The following NLGN1 variants were observed in gnomAD, a reference collection of about 807,000 sequenced individuals.
NLGN1 encodes neuroligin 1.
NLGN1 carries 12 observed loss-of-function variants against 65.5 expected under a neutral mutation model. The ratio of observed to expected loss-of-function variants is 0.18; its 90% confidence interval spans 0.12 to 0.30. NLGN1 has a LOEUF of 0.30. Among genes scored for constraint, NLGN1 ranks in the 10% least tolerant of loss-of-function variants. The pLI, the probability that NLGN1 is intolerant of heterozygous loss-of-function variation, is 1.00. For missense variants in NLGN1, 750 were observed against 1,007.1 expected, an observed-to-expected ratio of 0.74 and a Z score of 3.46; for synonymous variants, 350 against 359.5, an observed-to-expected ratio of 0.97 and a Z score of 0.30.
At chr3:173,521,579 T>A (rs1043063803) in intron 2 of NLGN1, among the ~76,000 whole-genome samples, 9 of 152,230 alleles carry the variant, frequency 5.9e-5, no homozygotes, top group African/African-American at 2.2e-4. Context: ...CTGAGCCTTT[T>A]TTCTGATCCT....
intron 2 of NLGN1, among the ~76,000 whole-genome samples, chr3:173,470,019 T>C (rs1424109767): frequency 6.6e-6 from 1 of 151,822 alleles, no homozygotes; most frequent in Non-Finnish European, 1.5e-5. Flanking sequence ...TTCTGAAGCA[T>C]TTGAGGGTGA....
intron 2 of NLGN1, among the ~76,000 whole-genome samples, chr3:173,480,473 A>G (rs1323931150): frequency 6.6e-6 from 1 of 152,154 alleles, no homozygotes; most frequent in Admixed American, 6.6e-5. Context: ...CTCAGATTTG[A>G]ATAAACCAGT....
intron 4 of NLGN1, among the ~76,000 whole-genome samples, chr3:174,149,142 G>C (rs532164928): frequency 6.6e-6 from 1 of 152,264 alleles, no homozygotes; most frequent in African/African-American, 2.4e-5. Context: ...ACTTCATTAA[G>C]CTCTCATACA....
chr3:174,038,054 A>C (rs1328139437), intron 4 of NLGN1, among the ~76,000 whole-genome samples: 1 of 152,156 alleles, frequency 6.6e-6, no homozygotes, highest in Non-Finnish European at 1.5e-5. Flanking sequence ...ATTGTTTCTT[A>C]TTCAAAGAAT....
intron 3 of NLGN1, among the ~76,000 whole-genome samples, chr3:173,678,213 A>G (rs929647440): frequency 6.6e-5 from 10 of 152,118 alleles, no homozygotes; most frequent in African/African-American, 9.7e-5. Context: ...TGACAAATGT[A>G]TATTCAGTGC....
At chr3:173,426,033 G>A (rs1716034150) in intron 1 of NLGN1, among the ~76,000 whole-genome samples, 2 of 152,090 alleles carry the variant, frequency 1.3e-5, no homozygotes, top group Middle Eastern at 3.4e-3. Context: ...TTTTATGGCA[G>A]AGCTGTCTCA....
At chr3:174,056,833 T>G (rs1351379864) in intron 4 of NLGN1, among the ~76,000 whole-genome samples, 1 of 152,074 alleles carries the variant, frequency 6.6e-6, no homozygotes, top group Non-Finnish European at 1.5e-5. Context: ...AAATTATTAA[T>G]AAAAGCTTTC....
At chr3:173,456,225 A>G (rs1191212162) in intron 2 of NLGN1, among the ~76,000 whole-genome samples, 4 of 152,196 alleles carry the variant, frequency 2.6e-5, no homozygotes, top group African/African-American at 9.7e-5. Flanking sequence ...TGATATTTTT[A>G]AAACTGATAA....
intron 2 of NLGN1, among the ~76,000 whole-genome samples, chr3:173,513,384 A>G (rs905533479): frequency 6.6e-6 from 1 of 152,118 alleles, no homozygotes; most frequent in African/African-American, 2.4e-5. Flanking sequence ...CCAATTTGTC[A>G]TTTACAGCTT....
intron 4 of NLGN1, among the ~76,000 whole-genome samples, chr3:174,040,402 G>A (rs974641620): frequency 2.0e-5 from 3 of 152,068 alleles, no homozygotes; most frequent in Non-Finnish European, 2.9e-5. Context: ...ATGAATTCTC[G>A]AAACTTCTGA....
At chr3:173,720,376 GTTA>G (rs2149999623) in intron 3 of NLGN1, among the ~76,000 whole-genome samples, 1 of 152,248 alleles carries the variant, frequency 6.6e-6, no homozygotes, top group Non-Finnish European at 1.5e-5. Context: ...CGGAAGGTCA[GTTA>G]TTTTTTGTCC....
At chr3:173,923,718 A>C (rs1742490305) in intron 4 of NLGN1, among the ~76,000 whole-genome samples, 2 of 152,270 alleles carry the variant, frequency 1.3e-5, no homozygotes, top group African/African-American at 4.8e-5. Flanking sequence ...AAATATTTAA[A>C]ATATTGGTGA....
At chr3:173,466,518 G>A (rs909740944) in intron 2 of NLGN1, among the ~76,000 whole-genome samples, 10 of 152,120 alleles carry the variant, frequency 6.6e-5, no homozygotes, top group Non-Finnish European at 1.5e-5. Context: ...GCAACAGAGC[G>A]CTGGTACTGG....
At chr3:173,468,812 T>C (rs1724817514) in intron 2 of NLGN1, among the ~76,000 whole-genome samples, 1 of 152,042 alleles carries the variant, frequency 6.6e-6, no homozygotes, top group Admixed American at 6.6e-5. Flanking sequence ...AGTTTCATAT[T>C]ATGGTTTAAA....
intron 2 of NLGN1, among the ~76,000 whole-genome samples, chr3:173,567,731 A>G (rs1743925802): frequency 6.6e-6 from 1 of 151,960 alleles, no homozygotes; most frequent in African/African-American, 2.4e-5. Flanking sequence ...TGAGGAGCAT[A>G]TTTCCACATA....
intron 4 of NLGN1, among the ~76,000 whole-genome samples, chr3:174,243,395 G>A (rs1361966750): frequency 6.6e-6 from 1 of 152,144 alleles, no homozygotes; most frequent in African/African-American, 2.4e-5. Flanking sequence ...TAAATAAACA[G>A]TGCTAGTAAT....
At chr3:173,958,569 G>A (rs1245392869) in intron 4 of NLGN1, among the ~76,000 whole-genome samples, 1 of 152,098 alleles carries the variant, frequency 6.6e-6, no homozygotes, top group African/African-American at 2.4e-5. Context: ...GTTTTTATGG[G>A]CTTCAGAGGG....
At chr3:173,926,680 A>G (rs955967534) in intron 4 of NLGN1, among the ~76,000 whole-genome samples, 4 of 152,170 alleles carry the variant, frequency 2.6e-5, no homozygotes, top group South Asian at 2.1e-4. Flanking sequence ...CGCACCTTGT[A>G]ATGTTCCATG....
intron 2 of NLGN1, among the ~76,000 whole-genome samples, chr3:173,529,925 C>G (rs1399878468): frequency 6.6e-6 from 1 of 151,642 alleles, no homozygotes; most frequent in Non-Finnish European, 1.5e-5. Context: ...TAGGTAATTC[C>G]CCAACTCCCA....
Sources: gnomAD v4.1 joint callset for allele counts (sites outside exome capture counted in the v4.1 genomes callset) on GRCh38, gnomAD v4.1.1 for gene constraint, MANE v1.5 for transcripts, NCBI Gene and HGNC (gene_info 2026-07-23, HGNC 2026-07-21) for gene names.